CNTN5: variants seen among roughly 807,000 people sequenced by gnomAD.
CNTN5 encodes contactin 5.
In CNTN5, 77 loss-of-function variants were observed where a neutral mutation model predicts 129.1. That is an observed-to-expected ratio of 0.60 (90% confidence interval 0.50 to 0.72). The LOEUF is 0.72. CNTN5 is among the 30% of genes least tolerant of loss of function. The pLI is 0.00. For synonymous variants in CNTN5, 509 were observed against 465.6 expected (o/e 1.09, Z -1.20); for missense variants, 1,478 against 1,328.8 (o/e 1.11, Z -1.75).
At chr11:99,847,658 A>G (rs778850900) in intron 6 of CNTN5, among the ~76,000 whole-genome samples, 1 of 152,186 alleles carries the variant, frequency 6.6e-6, no homozygotes, top group African/African-American at 2.4e-5. Context: ...TATTGAAACA[A>G]TGAAGTCCCA....
chr11:99,819,550 C>T lies in CNTN5; in HGVS notation c.62C>T (p.Ser21Leu), dbSNP rs1217019087. 3.1e-6 allele frequency: 5 copies of T among 1,609,218 alleles called. No homozygotes were observed. The African/African-American group carries it at 6.7e-5, about 22-fold the overall frequency. The change falls in exon 4 of 25, where the codon TCA becomes TTA. Residue 21 changes from serine (S) to leucine (L), a missense_variant. Physicochemically the swap from Ser to Leu is moderately radical, Grantham distance 145. Coordinates refer to ENST00000524871, the MANE Select transcript of CNTN5 (RefSeq NM_014361.4). ...LSVTMCLSEYSKSLPGLSTSY... is the reference protein window; with the variant it reads ...LSVTMCLSEYLKSLPGLSTSY... Reference sequence around the variant, plus strand: ...TATATTTTTTCTCTTACAGAGTATTCAAAATCTCTTCCTGGTCTCTCCACT... The same window carrying T: ...TATATTTTTTCTCTTACAGAGTATTTAAAATCTCTTCCTGGTCTCTCCACT...
chr11:99,944,170 T>C lies in CNTN5; in HGVS notation c.674-12636T>C, dbSNP rs553789482. 6.4e-4 allele frequency among the ~76,000 whole-genome samples: 98 copies of C among 152,014 alleles called. 1 individual carries two copies. The South Asian group carries it at 0.02, about 31-fold the overall frequency. Reference sequence around the variant, plus strand: ...ATAATATTCATCTCTGGGACACAGCTAAAGCAGTGTTAAGAGGGAAATTTA... The same window carrying C: ...ATAATATTCATCTCTGGGACACAGCCAAAGCAGTGTTAAGAGGGAAATTTA... On this transcript the variant is annotated intron_variant, in intron 7 of 24. Coordinates refer to ENST00000524871, the MANE Select transcript of CNTN5 (RefSeq NM_014361.4).
Position 100,061,412 on chromosome 11 carries a change from G to A in CNTN5, c.1162+19G>A, listed in dbSNP as rs1358862179. The A allele has an allele frequency of 1.4e-5, 21 of 1,521,896 alleles. No individual in the cohort carries two copies. The highest frequency in any genetic ancestry group is 1.8e-5 in the Non-Finnish European group (20 of 1,116,878). 94.3% of individuals were successfully genotyped at this position (1,521,896 alleles called of 1,614,324 possible). ...GTATACAGTAAGTGTTTTCAGCAAA[G>A]CATGATTGCTCTAGTCCCAAAAGTC... On this transcript the variant is annotated intron_variant, in intron 10 of 24. Transcript: ENST00000524871.
intron 15 of CNTN5, among the ~76,000 whole-genome samples, chr11:100,214,765 C>T (rs1026794981): frequency 6.6e-6 from 1 of 152,162 alleles, no homozygotes; most frequent in Non-Finnish European, 1.5e-5. Context: ...CTTGTAGGTA[C>T]CACATTATTT....
At chr11:99,533,723 C>G (rs1385544783) in intron 2 of CNTN5, among the ~76,000 whole-genome samples, 1 of 152,168 alleles carries the variant, frequency 6.6e-6, no homozygotes, top group Non-Finnish European at 1.5e-5. Flanking sequence ...TCATTTAGTC[C>G]GAAATATGTG....
chr11:99,476,042 C>A (rs1410811855), intron 2 of CNTN5, among the ~76,000 whole-genome samples: 2 of 148,768 alleles, frequency 1.3e-5, no homozygotes, highest in Non-Finnish European at 3.0e-5. Flanking sequence ...TCTAATATTT[C>A]TTCATAATAT....
At chr11:99,305,903 C>T (rs1027037159) in intron 1 of CNTN5, among the ~76,000 whole-genome samples, 2 of 151,890 alleles carry the variant, frequency 1.3e-5, no homozygotes, top group Admixed American at 6.6e-5. Flanking sequence ...ATTGCTTGAG[C>T]CCAGGAGGTG....
rs564219593 is a variant in CNTN5 at position 99,571,904 on chromosome 11, GC to G, written c.55+15636del. ...TATCATTGTAAATGACATAAAGCAAGCTATAAAGACTTTGAAGAAAGTAATA... is the reference window on the plus strand; with the variant it reads ...TATCATTGTAAATGACATAAAGCAAGTATAAAGACTTTGAAGAAAGTAATA... On this transcript the variant is annotated intron_variant, in intron 3 of 24. Transcript: ENST00000524871. Among the ~76,000 whole-genome samples, 338 of 152,196 alleles carry G rather than the reference GC, an allele frequency of 2.2e-3. 1 individual carries two copies. Among genetic ancestry groups the G allele is most frequent in the African/African-American group, 7.5e-3 (310 of 41,534 alleles).
chr11:99,835,761 C>G (rs143016005), intron 4 of CNTN5, among the ~76,000 whole-genome samples: 4 of 152,278 alleles, frequency 2.6e-5, no homozygotes, highest in Admixed American at 2.0e-4. Context: ...TATAACTGGT[C>G]AAGCTAAATA....
chr11:99,841,296 T>C (rs1487044358), intron 4 of CNTN5, among the ~76,000 whole-genome samples: 1 of 152,148 alleles, frequency 6.6e-6, no homozygotes, highest in East Asian at 1.9e-4. Context: ...TAGCCTATAA[T>C]TTACCAAATC....
chr11:99,758,584 T>C (rs1276840524), intron 3 of CNTN5, among the ~76,000 whole-genome samples: 1 of 151,998 alleles, frequency 6.6e-6, no homozygotes, highest in Non-Finnish European at 1.5e-5. Context: ...TTTCATAGAA[T>C]GTGATAAATT....
intron 13 of CNTN5, among the ~76,000 whole-genome samples, chr11:100,173,059 T>C (rs1490029255): frequency 6.6e-6 from 1 of 151,872 alleles, no homozygotes; most frequent in African/African-American, 2.4e-5. Flanking sequence ...AAGCCTAAGG[T>C]GGGAACAAAG....
intron 3 of CNTN5, among the ~76,000 whole-genome samples, chr11:99,620,674 G>A (rs1009739323): frequency 2.6e-5 from 4 of 151,706 alleles, no homozygotes; most frequent in African/African-American, 9.7e-5. Context: ...TCAAATAGTG[G>A]GCATAGAAAA....
At chr11:99,908,494 A>T (rs1036260642) in intron 6 of CNTN5, among the ~76,000 whole-genome samples, 2 of 152,020 alleles carry the variant, frequency 1.3e-5, no homozygotes, top group Non-Finnish European at 2.9e-5. Context: ...TTTTTAGTCA[A>T]TTAAGACTGA....
intron 3 of CNTN5, among the ~76,000 whole-genome samples, chr11:99,787,666 G>A (rs1268707123): frequency 1.3e-5 from 2 of 151,816 alleles, no homozygotes; most frequent in Non-Finnish European, 2.9e-5. Context: ...TTTCAAAGAA[G>A]AAAAATATGT....
rs201455212 is a variant in CNTN5, at chr11:100,356,217, G to A, written c.3300G>A (p.Trp1100Ter). The A allele has an allele frequency of 4.4e-6, 7 of 1,600,340 alleles. No individual in the cohort carries two copies. The highest frequency in any genetic ancestry group is 6.0e-6 in the Non-Finnish European group (7 of 1,170,662). ...LLALMIPSTSW is the reference protein window; with the variant it reads ...LLALMIPSTS Reference sequence around the variant, plus strand: ...CATTGATGATTCCTTCAACTTCCTGGTGAAAACTGCTGACTTAATTTGCTT... The same window carrying A: ...CATTGATGATTCCTTCAACTTCCTGATGAAAACTGCTGACTTAATTTGCTT... The change falls in exon 25 of 25, where the codon TGG becomes TGA. Residue 1100 changes from tryptophan (W) to a stop codon, truncating the protein, a stop_gained. Transcript: ENST00000524871. LOFTEE classifies it high-confidence loss of function.
At chr11:99,851,692 A>C (rs1947878740) in intron 6 of CNTN5, among the ~76,000 whole-genome samples, 1 of 152,208 alleles carries the variant, frequency 6.6e-6, no homozygotes, top group Non-Finnish European at 1.5e-5. Context: ...ACTGCTTTTC[A>C]GCGCATTTAG....
intron 2 of CNTN5, among the ~76,000 whole-genome samples, chr11:99,439,534 C>A (rs2135141104): frequency 6.6e-6 from 1 of 151,472 alleles, no homozygotes; most frequent in African/African-American, 2.4e-5. Flanking sequence ...ATGGTGAAAC[C>A]CCGTCTCTAC....
chr11:99,972,528 T>G (rs181439610), intron 8 of CNTN5, among the ~76,000 whole-genome samples: 2 of 152,298 alleles, frequency 1.3e-5, no homozygotes, highest in Non-Finnish European at 2.9e-5. Context: ...CTTTCTAAAG[T>G]TGAGAAGCAC....
Sources: gnomAD v4.1 joint callset for allele counts (sites outside exome capture counted in the v4.1 genomes callset) on GRCh38, gnomAD v4.1.1 for gene constraint, MANE v1.5 for transcripts, NCBI Gene and HGNC (gene_info 2026-07-23, HGNC 2026-07-21) for gene names.